NCAM2: variants seen among roughly 807,000 people sequenced by gnomAD.
NCAM2 encodes N-CAM-2.
Under a neutral mutation model 98.1 loss-of-function variants are expected in NCAM2, and 30 were observed. The ratio of observed to expected loss-of-function variants is 0.31; its 90% CI spans 0.23 to 0.41. The LOEUF is 0.41. Ranked by LOEUF, NCAM2 falls within the 10% of genes least tolerant of loss-of-function variation. NCAM2 has a pLI of 1.00. For synonymous variants in NCAM2, 368 were observed against 342.4 expected, an observed-to-expected ratio of 1.07 and a Z score of -0.83; for missense variants, 867 against 1,005.8, an observed-to-expected ratio of 0.86 and a Z score of 1.87.
intron 1 of NCAM2, among the ~76,000 whole-genome samples, chr21:21,135,210 C>T (rs571346703): frequency 1.3e-5 from 2 of 149,196 alleles, no homozygotes; most frequent in Admixed American, 1.3e-4. Flanking sequence ...TGCGCCACTG[C>T]ACTCCAGTCT....
chr21:21,474,761 C>G (rs17003872), intron 14 of NCAM2, among the ~76,000 whole-genome samples: 4,616 of 151,984 alleles, frequency 0.03, 247 homozygotes, highest in African/African-American at 0.1. Flanking sequence ...TGCCATACAC[C>G]CCTTCCTTCC....
chr21:21,210,712 G>A (rs1383968967), intron 1 of NCAM2: 1 of 1,136,200 alleles, frequency 8.8e-7, no homozygotes, highest in Admixed American at 3.4e-5. Flanking sequence ...CCATTGCCCA[G>A]GGCTGTAATC....
chr21:21,431,025 C>A (rs1252472961), intron 11 of NCAM2, among the ~76,000 whole-genome samples: 17 of 124,550 alleles, frequency 1.4e-4, no homozygotes, highest in African/African-American at 5.5e-4. Context: ...TCCAGCCTGG[C>A]CAGAAAACGA....
At chr21:21,125,382 T>TATTTTACATATATATGTAATATATAAG (rs2066770455) in intron 1 of NCAM2, among the ~76,000 whole-genome samples, 2 of 146,716 alleles carry the variant, frequency 1.4e-5, no homozygotes, top group South Asian at 2.1e-4. Context: ...TAATATATAA[T>TATTTTACATATATATGTAATATATAAG]ATTTTACATA....
chr21:21,155,854 G>T (rs2067595134), intron 1 of NCAM2, among the ~76,000 whole-genome samples: 1 of 151,876 alleles, frequency 6.6e-6, no homozygotes, highest in Admixed American at 6.6e-5. Context: ...TATTTTCATT[G>T]CCTGTGAAGA....
chr21:21,350,947 AAGG>A (rs1287620067), intron 8 of NCAM2, among the ~76,000 whole-genome samples: 86 of 140,758 alleles, frequency 6.1e-4, no homozygotes, highest in Non-Finnish European at 1.2e-3. Flanking sequence ...AAAAAAAAAA[AAGG>A]AGAGAAAAGA....
chr21:21,023,400 T>A (rs1048443084), intron 1 of NCAM2, among the ~76,000 whole-genome samples: 8 of 151,808 alleles, frequency 5.3e-5, no homozygotes, highest in African/African-American at 1.9e-4. Context: ...GGTGGTCACC[T>A]GTAATCCCAG....
chr21:21,012,311 A>C (rs1311418744), intron 1 of NCAM2, among the ~76,000 whole-genome samples: 1 of 152,156 alleles, frequency 6.6e-6, no homozygotes, highest in Non-Finnish European at 1.5e-5. Context: ...ATTAATATTT[A>C]AATATGAGCT....
rs187046609 is a variant in NCAM2 at position 21,049,066 on chromosome 21, C to T, written c.55+50448C>T. The stretch of plus-strand genomic sequence containing the variant: ...TCGCTCTGTCGCCCAGGCTGGACTG[C>T]GGACTGCAGTGGCGCAATCTCGGCT... On this transcript the variant is annotated intron_variant, in intron 1 of 17. Transcript: ENST00000400546. Among the ~76,000 whole-genome samples the T allele has an allele frequency of 4.7e-3, 632 of 135,648 alleles. 9 individuals carry two copies. Among genetic ancestry groups the T allele is most frequent in the African/African-American group, 0.016 (573 of 35,622 alleles). 89.0% of individuals were successfully genotyped at this position (135,648 alleles called of 152,430 possible).
intron 8 of NCAM2, among the ~76,000 whole-genome samples, chr21:21,359,528 T>G (rs2075588741): frequency 6.6e-6 from 1 of 152,014 alleles, no homozygotes; most frequent in African/African-American, 2.4e-5. Flanking sequence ...AATGAACTAT[T>G]ATTTTGAAGT....
At chr21:21,042,149 G>T (rs931045098) in intron 1 of NCAM2, among the ~76,000 whole-genome samples, 2 of 152,078 alleles carry the variant, frequency 1.3e-5, no homozygotes, top group Non-Finnish European at 2.9e-5. Context: ...TCAATAGACT[G>T]CTCTGTGGAA....
At chr21:21,469,443 T>C (rs1984144053) in intron 14 of NCAM2, among the ~76,000 whole-genome samples, 1 of 151,872 alleles carries the variant, frequency 6.6e-6, no homozygotes, top group South Asian at 2.1e-4. Context: ...TCTTCAACAT[T>C]TTTTTCCATA....
chr21:21,355,332 CG>C (rs928459880), intron 8 of NCAM2, among the ~76,000 whole-genome samples: 8 of 150,076 alleles, frequency 5.3e-5, no homozygotes, highest in Admixed American at 5.3e-4. Context: ...CTACTCGGGA[CG>C]GGGCCGGGAA....
At chr21:21,236,559 TTTAAA>T (rs1365278734) in intron 1 of NCAM2, among the ~76,000 whole-genome samples, 1 of 152,136 alleles carries the variant, frequency 6.6e-6, no homozygotes, top group Non-Finnish European at 1.5e-5. Context: ...AGTAGCTTCT[TTTAAA>T]ATAATTATCC....
At chr21:21,273,183 C>T (rs2147445633) in intron 1 of NCAM2, among the ~76,000 whole-genome samples, 1 of 152,088 alleles carries the variant, frequency 6.6e-6, no homozygotes, top group Admixed American at 6.6e-5. Flanking sequence ...CCTCAGCCTT[C>T]TCATCTCTAA....
chr21:21,423,974 A>C (rs2077164203), intron 11 of NCAM2, among the ~76,000 whole-genome samples: 1 of 152,112 alleles, frequency 6.6e-6, no homozygotes, highest in Non-Finnish European at 1.5e-5. Context: ...GTGTACCTAG[A>C]TTTTATCTTA....
intron 1 of NCAM2, among the ~76,000 whole-genome samples, chr21:21,076,537 G>GT (rs1045424246): frequency 6.6e-6 from 1 of 151,978 alleles, no homozygotes; most frequent in Non-Finnish European, 1.5e-5. Flanking sequence ...TCCGTCCTTT[G>GT]TTTTTTCTCT....
At chr21:21,436,949 T>C (rs1014470669) in intron 12 of NCAM2, among the ~76,000 whole-genome samples, 16 of 151,778 alleles carry the variant, frequency 1.1e-4, no homozygotes, top group African/African-American at 3.9e-4. Context: ...TATTTTTGTA[T>C]TTTTTAGTAA....
intron 1 of NCAM2, among the ~76,000 whole-genome samples, chr21:21,212,359 G>T (rs999101383): frequency 6.6e-6 from 1 of 152,148 alleles, no homozygotes; most frequent in African/African-American, 2.4e-5. Flanking sequence ...ATGAGATGAA[G>T]AACAGATTAT....
Sources: allele counts gnomAD v4.1 joint callset (sites outside exome capture counted in the v4.1 genomes callset), GRCh38; gene constraint gnomAD v4.1.1; transcripts MANE v1.5; gene names NCBI Gene and HGNC (gene_info 2026-07-23, HGNC 2026-07-21).